Variants in LRRIQ3 observed in about 807,000 individuals in gnomAD.
LRRIQ3 encodes the protein leucine rich repeats and IQ motif containing 3.
In LRRIQ3, 75 loss-of-function variants were observed where a neutral mutation model predicts 59.3. The observed-to-expected ratio is 1.26, with a 90% CI of 1.05 to 1.53. LRRIQ3 has a LOEUF of 1.53. Ranked by LOEUF, LRRIQ3 falls within the 40% of genes most tolerant of loss-of-function variation. The probability of loss-of-function intolerance (pLI) is 0.00; values close to 1 mark genes in which losing one functional copy is unlikely to be tolerated. For missense variants in LRRIQ3, 831 were observed against 710.0 expected, an observed-to-expected ratio of 1.17 and a Z score of -1.94; for synonymous variants, 250 against 231.3, an observed-to-expected ratio of 1.08 and a Z score of -0.73.
At chr1:74,141,125 G>T (rs188887258) in intron 4 of LRRIQ3, among the ~76,000 whole-genome samples, 1 of 151,674 alleles carries the variant, frequency 6.6e-6, no homozygotes, top group African/African-American at 2.4e-5. Flanking sequence ...CATAATTTGC[G>T]TCTTTTTACA....
rs1388028778 is a variant in LRRIQ3 at position 74,183,677 on chromosome 1, T to A, written c.8A>T (p.His3Leu). Reference sequence around the variant, plus strand: ...GGTTAGCTCTTCTGTGACTGTTCCATGAAACATCTAGGAAAGATAAGAAAG... The same window carrying A: ...GGTTAGCTCTTCTGTGACTGTTCCAAGAAACATCTAGGAAAGATAAGAAAG... MF[H>L]GTVTEELTSH... is the part of the protein sequence containing the mutation. Residue 3 changes from histidine to leucine, a missense_variant, in exon 2 of 8, where the codon CAT (histidine) becomes CTT (leucine). Physicochemically the swap from His to Leu is moderately conservative, Grantham distance 99. Coordinates refer to ENST00000354431, the MANE Select transcript of LRRIQ3 (RefSeq NM_001105659.2). 5.8e-6 allele frequency: 9 copies of A among 1,551,714 alleles called. No individual in the cohort carries two copies. Among genetic ancestry groups the A allele is most frequent in the Non-Finnish European group, 7.8e-6 (9 of 1,150,598 alleles).
intron 7 of LRRIQ3, among the ~76,000 whole-genome samples, chr1:74,033,290 G>A (rs1653773969): frequency 6.6e-6 from 1 of 151,934 alleles, no homozygotes; most frequent in Non-Finnish European, 1.5e-5. Context: ...CATAATCAAG[G>A]CAATGAAATG....
chr1:74,171,503 G>T (rs1649319317), intron 3 of LRRIQ3, among the ~76,000 whole-genome samples: 1 of 152,106 alleles, frequency 6.6e-6, no homozygotes, highest in Non-Finnish European at 1.5e-5. Flanking sequence ...ATCTCTCTCA[G>T]CCACAGTGTG....
At chr1:74,101,908 A>G (rs892846420) in intron 5 of LRRIQ3, among the ~76,000 whole-genome samples, 2 of 151,906 alleles carry the variant, frequency 1.3e-5, no homozygotes, top group African/African-American at 4.8e-5. Context: ...GGGGCCTGTC[A>G]TATGGTGGGG....
chr1:74,073,615 A>AC (rs1278640848), intron 6 of LRRIQ3, among the ~76,000 whole-genome samples: 3 of 52,578 alleles, frequency 5.7e-5, no homozygotes, highest in Non-Finnish European at 8.7e-5. Context: ...TTCTTTAAAA[A>AC]AAAAAAAAAA....
intron 6 of LRRIQ3, among the ~76,000 whole-genome samples, chr1:74,047,331 C>T (rs1407945181): frequency 6.6e-6 from 1 of 152,072 alleles, no homozygotes; most frequent in East Asian, 1.9e-4. Context: ...TCTCAGCAAA[C>T]TAACACAAGA....
intron 6 of LRRIQ3, among the ~76,000 whole-genome samples, chr1:74,054,611 A>T (rs1337317105): frequency 6.6e-6 from 1 of 151,818 alleles, no homozygotes; most frequent in Non-Finnish European, 1.5e-5. Flanking sequence ...TGGGATGTGG[A>T]TAATGAAAGA....
chr1:74,163,761 T>C (rs1648797511), intron 3 of LRRIQ3, among the ~76,000 whole-genome samples: 1 of 151,604 alleles, frequency 6.6e-6, no homozygotes, highest in Non-Finnish European at 1.5e-5. Flanking sequence ...TTCATTTCTC[T>C]GGGATAAATT....
chr1:74,036,300 T>C (rs191651446), intron 7 of LRRIQ3, among the ~76,000 whole-genome samples: 7 of 152,228 alleles, frequency 4.6e-5, no homozygotes, highest in Non-Finnish European at 1.0e-4. Context: ...GAAGGAATAT[T>C]ATATAGAAAG....
At chr1:74,045,274 A>G (rs1275989894) in intron 6 of LRRIQ3, among the ~76,000 whole-genome samples, 2 of 152,270 alleles carry the variant, frequency 1.3e-5, no homozygotes, top group Admixed American at 6.5e-5. Context: ...CTATCAAGTC[A>G]GCTTCATCCT....
chr1:74,183,051 A>G (rs955269174), intron 2 of LRRIQ3, 190 bp from the exon 3 acceptor site: 11 of 386,362 alleles, frequency 2.8e-5, no homozygotes, highest in Non-Finnish European at 5.0e-5. Flanking sequence ...GGTATCTGAG[A>G]TAATTTATTA....
intron 4 of LRRIQ3, among the ~76,000 whole-genome samples, chr1:74,151,759 G>A (rs779013406): frequency 4.1e-4 from 62 of 152,108 alleles, no homozygotes; most frequent in Admixed American, 5.9e-4. Context: ...GAAAATAATA[G>A]TAATTGAGTG....
At chr1:74,189,372 T>C (rs1387423045) in intron 1 of LRRIQ3, among the ~76,000 whole-genome samples, 1 of 152,122 alleles carries the variant, frequency 6.6e-6, no homozygotes, top group Non-Finnish European at 1.5e-5. Context: ...ATAAACTAAG[T>C]ACAGAAAAAG....
In LRRIQ3 at chr1:74,062,294, T is replaced by C. The variant is rs573901374; in HGVS notation, c.997+12367A>G. Among the ~76,000 whole-genome samples the C allele has an allele frequency of 6.2e-4, 95 of 152,086 alleles. 1 individual carries two copies. The South Asian group carries it at 8.1e-3, about 13-fold the overall frequency. ...AAGATATATATATGACCAACAAGCA[T>C]ATGAAACAATGCTCAATATCACTAA... On this transcript the variant is annotated intron_variant, in intron 6 of 7. Coordinates refer to ENST00000354431, the MANE Select transcript of LRRIQ3 (RefSeq NM_001105659.2).
At chr1:74,071,470 T>A (rs968981025) in intron 6 of LRRIQ3, among the ~76,000 whole-genome samples, 4 of 152,172 alleles carry the variant, frequency 2.6e-5, no homozygotes, top group African/African-American at 7.2e-5. Flanking sequence ...AGTAAACTCA[T>A]AATCCTCACT....
At chr1:74,148,731 T>C (rs957799862) in intron 4 of LRRIQ3, among the ~76,000 whole-genome samples, 1 of 152,188 alleles carries the variant, frequency 6.6e-6, no homozygotes, top group African/African-American at 2.4e-5. Context: ...GTCATTTTAA[T>C]TACATCTGCA....
Position 74,138,447 on chromosome 1 carries a change from T to C in LRRIQ3, c.707+17286A>G, listed in dbSNP as rs1261573145. The C allele has an allele frequency of 2.4e-5, 24 of 980,902 alleles. 1 individual carries two copies. The South Asian group carries it at 3.3e-4, about 13-fold the overall frequency. 60.8% of individuals were successfully genotyped at this position (980,902 alleles called of 1,614,324 possible). Reference sequence around the variant, plus strand: ...ATTACCAGACTTACATACTTACTTTTTGGTGTCCCATGGGCAGGGTCTGAC... The same window carrying C: ...ATTACCAGACTTACATACTTACTTTCTGGTGTCCCATGGGCAGGGTCTGAC... On this transcript the variant is annotated intron_variant, in intron 4 of 7. Transcript: ENST00000354431.
chr1:74,075,478 G>A (rs1184070672), intron 5 of LRRIQ3, among the ~76,000 whole-genome samples: 1 of 151,694 alleles, frequency 6.6e-6, no homozygotes, highest in Non-Finnish European at 1.5e-5. Context: ...AAGGCAGGAG[G>A]ATTACTTGAA....
intron 4 of LRRIQ3, among the ~76,000 whole-genome samples, chr1:74,146,446 G>C (rs1039449735): frequency 1.4e-4 from 22 of 152,002 alleles, no homozygotes; most frequent in African/African-American, 4.8e-4. Flanking sequence ...GACCCAGAAA[G>C]GGCCTAACTT....
Sources: gnomAD v4.1 joint callset for allele counts (sites outside exome capture counted in the v4.1 genomes callset) on GRCh38, gnomAD v4.1.1 for gene constraint, MANE v1.5 for transcripts, NCBI Gene and HGNC (gene_info 2026-07-23, HGNC 2026-07-21) for gene names.